The following MOB2 variants were observed in gnomAD, a reference collection of about 807,000 sequenced individuals.
The protein encoded by MOB2 is MOB kinase activator 2.
MOB2 carries 14 observed loss-of-function variants against 27.4 expected under a neutral mutation model. The ratio of observed to expected loss-of-function variants is 0.51; its 90% CI spans 0.34 to 0.80. The LOEUF is 0.80. Among genes scored for constraint, MOB2 ranks in the 30% least tolerant of loss-of-function variants. The pLI, the probability that MOB2 is intolerant of heterozygous loss-of-function variation, is 0.01. For missense variants in MOB2, 304 were observed against 354.6 expected (o/e 0.86, Z 1.15); for synonymous variants, 167 against 151.8 (o/e 1.10, Z -0.74).
At chr11:1,471,006 C>T (rs770923838) in intron 4 of MOB2, among the ~76,000 whole-genome samples, 11 of 152,228 alleles carry the variant, frequency 7.2e-5, no homozygotes, top group Non-Finnish European at 1.5e-4. Context: ...ACAAGCTGGA[C>T]GGTGAGAGCA....
At chr11:1,486,344 ACACAGTCCGCCGCCTCCC>A (rs1320078161) in intron 1 of MOB2, 85 bp downstream of exon 1, 5 of 874,308 alleles carry the variant, frequency 5.7e-6, no homozygotes, top group Non-Finnish European at 8.9e-6. Flanking sequence ...GCAGCCACGG[ACACAGTCCGCCGCCTCCC>A]CACCCTGACC....
In MOB2 at chr11:1,469,986, C is replaced by T. The variant is rs1554926632; in HGVS notation, c.*186G>A. On this transcript the variant is annotated 3_prime_UTR_variant, in exon 5 of 5. Transcript: ENST00000329957. ...CTACAAACGGCACGCATCCATCCGA[C>T]AGGGGGCCACAGGACACGGCCGGGG... 3 of 1,465,194 alleles carry T rather than the reference C, an allele frequency of 2.0e-6. No individual in the cohort carries two copies. The highest frequency in any genetic ancestry group is 2.4e-5 in the South Asian group (2 of 81,884). 90.8% of individuals were successfully genotyped at this position (1,465,194 alleles called of 1,614,324 possible). A position where few individuals can be genotyped will look rare whatever the true frequency, so the allele number is the denominator to read the frequency against.
At position 1,470,087 on chromosome 11, in the gene MOB2, A is replaced by C. The variant is rs1259084148; in HGVS notation, c.*85T>G. 1 of 1,544,718 alleles carries C rather than the reference A, an allele frequency of 6.5e-7. No homozygotes were observed. Among genetic ancestry groups the C allele is most frequent in the Non-Finnish European group, 8.7e-7 (1 of 1,146,930 alleles). ...CTCAGACCTCACCACACGCGTGCCC[A>C]GCACATGTGTGCACACGCAGATGCA... On this transcript the variant is annotated 3_prime_UTR_variant, in exon 5 of 5. Coordinates refer to ENST00000329957, the MANE Select transcript of MOB2 (RefSeq NM_001172223.3).
In MOB2 at chr11:1,480,499, A is replaced by T; in HGVS notation, c.272-13T>A. ...AAAAACGTCGTGGCTGGAAGAGAAGAGAAGGAGCCAGATGTGAAAAACGCC... is the reference window on the plus strand; with the variant it reads ...AAAAACGTCGTGGCTGGAAGAGAAGTGAAGGAGCCAGATGTGAAAAACGCC... On this transcript the variant is annotated splice_polypyrimidine_tract_variant and intron_variant, in intron 2 of 4. Coordinates refer to ENST00000329957, the MANE Select transcript of MOB2 (RefSeq NM_001172223.3). The T allele has an allele frequency of 1.2e-6, 2 of 1,613,050 alleles. No homozygotes were observed. The highest frequency in any genetic ancestry group is 8.5e-7 in the Non-Finnish European group (1 of 1,179,268).
chr11:1,480,829 T>C lies in MOB2; in HGVS notation c.167A>G (p.Tyr56Cys). 1 of 1,580,402 alleles carries C rather than the reference T, an allele frequency of 6.3e-7. No individual in the cohort carries two copies. Among genetic ancestry groups the C allele is most frequent in the Non-Finnish European group, 8.6e-7 (1 of 1,163,606 alleles). Residue 56 changes from tyrosine (Y) to cysteine (C), a missense_variant, in exon 2 of 5, where the codon TAC becomes TGC. By Grantham distance (194) the Tyr-to-Cys change is radical. Transcript: ENST00000329957. ...GGCCTTGGTGTGCTCAGGCTCCAGG[T>C]AGGCCTTCCTCTCCTCCGCAGCGGG... ...KKPAAEERKA[Y>C]LEPEHTKARI...
intron 3 of MOB2, among the ~76,000 whole-genome samples, chr11:1,476,079 A>AGGAGGAGGCACACCT (rs1199464119): frequency 6.6e-6 from 1 of 152,154 alleles, no homozygotes; most frequent in African/African-American, 2.4e-5. Flanking sequence ...GGGCCGAGGG[A>AGGAGGAGGCACACCT]GGAGGAGGCA....
At chr11:1,475,536 T>A (rs1590763333) in intron 3 of MOB2, among the ~76,000 whole-genome samples, 1 of 152,206 alleles carries the variant, frequency 6.6e-6, no homozygotes. Context: ...CCTGAAGTGA[T>A]CCACCGCCTC....
rs1265162791 is a variant in MOB2 at position 1,480,653 on chromosome 11, G to A, written c.271+72C>T. 10 of 1,560,720 alleles carry A rather than the reference G, an allele frequency of 6.4e-6. No homozygotes were observed. In the Admixed American group the frequency reaches 1.8e-4, roughly 28 times the overall value. On this transcript the variant is annotated intron_variant, in intron 2 of 4. Coordinates refer to ENST00000329957, the MANE Select transcript of MOB2 (RefSeq NM_001172223.3). The stretch of plus-strand genomic sequence containing the variant: ...GGGCTGCTGAGCACCAGCCGTGGGG[G>A]TCCCCCTTGAGGAGGGGCTTCGAGG...
In MOB2 at chr11:1,469,522, C is replaced by G. The variant is rs1847750297; in HGVS notation, c.*650G>C. 2.2e-6 allele frequency: 1 copy of G among 455,466 alleles called. No homozygotes were observed. 28.2% of individuals were successfully genotyped at this position (455,466 alleles called of 1,614,324 possible). On this transcript the variant is annotated 3_prime_UTR_variant, in exon 5 of 5. Transcript: ENST00000329957. ...ACTAAGGTAAGCGGGTCTCAGCCTT[C>G]CGCTGGTGCAGCATCTCCACGCAGG...
chr11:1,474,699 C>G (rs1847833854), intron 3 of MOB2, among the ~76,000 whole-genome samples: 1 of 152,146 alleles, frequency 6.6e-6, no homozygotes, highest in Non-Finnish European at 1.5e-5. Flanking sequence ...TTGTGTGGGT[C>G]TATCTCCGGA....
Position 1,470,715 on chromosome 11 carries a change from C to T in MOB2, c.491-227G>A, listed in dbSNP as rs554000776. On this transcript the variant is annotated intron_variant, in intron 4 of 4. Coordinates refer to ENST00000329957, the MANE Select transcript of MOB2 (RefSeq NM_001172223.3). Reference sequence around the variant, plus strand: ...GCTGAGACCTCCCTGCGTGCTCAGGCTCCGGAGGCTGCACCTGCCCTGAGG... The same window carrying T: ...GCTGAGACCTCCCTGCGTGCTCAGGTTCCGGAGGCTGCACCTGCCCTGAGG... Among the ~76,000 whole-genome samples the T allele has an allele frequency of 2.6e-5, 4 of 152,358 alleles. No individual in the cohort carries two copies. In the East Asian group the frequency reaches 7.7e-4, roughly 29 times the overall value.
intron 1 of MOB2, chr11:1,481,183 AG>A: frequency 2.0e-6 from 1 of 508,902 alleles, no homozygotes; most frequent in Non-Finnish European, 3.7e-6. Context: ...TCCTCCAACC[AG>A]GGAGGGGCCC....
Position 1,470,222 on chromosome 11 carries a change from C to T in MOB2, c.757G>A (p.Gly253Arg). Residue 253 changes from glycine (G) to arginine (R), a missense_variant, in exon 5 of 5, where the codon GGG becomes AGG. Transcript: ENST00000329957. ...GGVHSGGSGD[G>R]AGSGGPGAQN... ...GCTCCCGGGCCCCCGCTGCCGGCCC[C>T]ATCCCCACTGCCCCCACTGTGGACC... 2 of 1,612,344 alleles carry T rather than the reference C, an allele frequency of 1.2e-6. No homozygotes were observed. Among genetic ancestry groups the T allele is most frequent in the South Asian group, 2.2e-5 (2 of 91,074 alleles).
At chr11:1,486,388 A>G in intron 1 of MOB2, 59 bp downstream of exon 1, 1 of 1,338,116 alleles carries the variant, frequency 7.5e-7, no homozygotes, top group Non-Finnish European at 1.0e-6. Flanking sequence ...CCTGGGGGCA[A>G]GAACAGGGCA....
intron 1 of MOB2, among the ~76,000 whole-genome samples, chr11:1,482,435 G>A (rs1440046920): frequency 6.6e-6 from 1 of 152,218 alleles, no homozygotes; most frequent in Non-Finnish European, 1.5e-5. Flanking sequence ...GAGAGGGCTG[G>A]GCAGGGGCAG....
intron 3 of MOB2, among the ~76,000 whole-genome samples, chr11:1,478,139 T>C (rs1447728557): frequency 1.3e-5 from 2 of 152,300 alleles, no homozygotes; most frequent in Admixed American, 6.5e-5. Context: ...AGCAGCTCTC[T>C]TGCCCACAGC....
chr11:1,471,350 G>A lies in MOB2; in HGVS notation c.435C>T (p.Val145=), dbSNP rs866316810. ...KCTAPQYVDF[V]MSSVQKLVTD... ...TCACCAGCTTCTGCACGGAGCTCAT[G>A]ACGAAGTCAACGTACTGTGGGGCCG... The change falls in exon 4 of 5, where the codon GTC becomes GTT. Residue 145 remains valine, a synonymous_variant. Transcript: ENST00000329957. 1 of 1,613,584 alleles carries A rather than the reference G, an allele frequency of 6.2e-7. No homozygotes were observed. The highest frequency in any genetic ancestry group is 1.7e-5 in the Admixed American group (1 of 60,018).
At position 1,480,894 on chromosome 11, in the gene MOB2, A is replaced by T; in HGVS notation, c.111-9T>A. On this transcript the variant is annotated splice_polypyrimidine_tract_variant and intron_variant, in intron 1 of 4. Transcript: ENST00000329957. ...GCTTGGCTTTGGACTTCCTGCCAAG[A>T]GAGGAGACGCGGTGTGGTCACTACA... 6.4e-7 allele frequency: 1 copy of T among 1,552,408 alleles called. No homozygotes were observed. The highest frequency in any genetic ancestry group is 8.7e-7 in the Non-Finnish European group (1 of 1,148,022).
chr11:1,481,892 G>A (rs767829773), intron 1 of MOB2, among the ~76,000 whole-genome samples: 47 of 152,294 alleles, frequency 3.1e-4, no homozygotes, highest in Admixed American at 1.2e-3. Context: ...GGGCACTTGG[G>A]GTCCTCACAG....
Sources: gnomAD v4.1 joint callset for allele counts (sites outside exome capture counted in the v4.1 genomes callset) on GRCh38, gnomAD v4.1.1 for gene constraint, MANE v1.5 for transcripts, NCBI Gene and HGNC (gene_info 2026-07-23, HGNC 2026-07-21) for gene names.